GABRB1: variants seen among roughly 807,000 people sequenced by gnomAD.
The protein encoded by GABRB1 is gamma-aminobutyric acid type A receptor subunit beta1, also known as gamma-aminobutyric acid receptor subunit beta-1.
GABRB1 carries 17 observed loss-of-function variants against 51.6 expected under a neutral mutation model. The observed-to-expected ratio is 0.33, with a 90% CI of 0.23 to 0.49. The LOEUF (loss-of-function observed/expected upper bound fraction) is 0.49. GABRB1 is among the 20% of genes least tolerant of loss of function. The pLI, the probability that GABRB1 is intolerant of heterozygous loss-of-function variation, is 0.99. For missense variants in GABRB1, 410 were observed against 600.6 expected, an observed-to-expected ratio of 0.68 and a Z score of 3.32; for synonymous variants, 247 against 218.9, an observed-to-expected ratio of 1.13 and a Z score of -1.14.
In GABRB1 at chr4:46,997,383, C is replaced by T. The variant is rs1000832849; in HGVS notation, c.-20+3457C>T. On this transcript the variant is annotated intron_variant, in intron 1 of 3. Coordinates refer to the GABRB1 transcript ENST00000513567. The stretch of plus-strand genomic sequence containing the variant: ...GCAATGAAATATTATTAACTGTGGC[C>T]TCATGTTGTACATTAGATCTTATTA... Among the ~76,000 whole-genome samples the T allele has an allele frequency of 3.1e-4, 47 of 150,868 alleles. No homozygotes were observed. The East Asian group carries it at 3.3e-3, about 11-fold the overall frequency.
intron 5 of GABRB1, among the ~76,000 whole-genome samples, chr4:47,392,846 A>G (rs1728051211): frequency 6.6e-6 from 1 of 152,236 alleles, no homozygotes; most frequent in Non-Finnish European, 1.5e-5. Context: ...ATGCTGGAGC[A>G]AATAGTTCTT....
At chr4:47,224,723 A>C (rs1720889612) in intron 4 of GABRB1, among the ~76,000 whole-genome samples, 1 of 152,130 alleles carries the variant, frequency 6.6e-6, no homozygotes, top group Non-Finnish European at 1.5e-5. Context: ...AGAGGAGGCT[A>C]ACTAAAGTTT....
chr4:47,194,724 C>A (rs144356365), intron 4 of GABRB1, among the ~76,000 whole-genome samples: 12 of 152,210 alleles, frequency 7.9e-5, no homozygotes, highest in African/African-American at 2.6e-4. Flanking sequence ...AATGTCACTG[C>A]AGAACTCAAT....
At chr4:47,141,633 T>C (rs1380353582) in intron 3 of GABRB1, among the ~76,000 whole-genome samples, 1 of 152,012 alleles carries the variant, frequency 6.6e-6, no homozygotes. Context: ...ATGTCTTTTT[T>C]AATTTTTCTG....
intron 5 of GABRB1, among the ~76,000 whole-genome samples, chr4:47,381,377 G>A (rs1305698914): frequency 1.3e-5 from 2 of 152,108 alleles, no homozygotes; most frequent in Non-Finnish European, 2.9e-5. Context: ...AGACTTAACT[G>A]GTCTTTGTCT....
chr4:47,247,222 C>G (rs1019157356), intron 4 of GABRB1, among the ~76,000 whole-genome samples: 1 of 152,096 alleles, frequency 6.6e-6, no homozygotes, highest in Admixed American at 6.6e-5. Flanking sequence ...GATCCAGTTA[C>G]ATTCTCCTAC....
intron 4 of GABRB1, among the ~76,000 whole-genome samples, chr4:47,256,551 T>C (rs773018782): frequency 6.6e-6 from 1 of 152,174 alleles, no homozygotes; most frequent in Non-Finnish European, 1.5e-5. Flanking sequence ...GGATAATCTA[T>C]AAAGAAAAAA....
chr4:47,191,000 T>A (rs1358021415), intron 4 of GABRB1, among the ~76,000 whole-genome samples: 11 of 152,210 alleles, frequency 7.2e-5, no homozygotes, highest in African/African-American at 2.7e-4. Flanking sequence ...AATTGTCAAA[T>A]TTTTAAAAAT....
Position 47,054,838 on chromosome 4 carries a change from G to A in GABRB1, c.240+22354G>A, listed in dbSNP as rs147389630. Among the ~76,000 whole-genome samples the A allele has an allele frequency of 2.7e-3, 410 of 152,254 alleles. 1 individual carries two copies. Among genetic ancestry groups the A allele is most frequent in the African/African-American group, 9.4e-3 (389 of 41,554 alleles). On this transcript the variant is annotated intron_variant, in intron 3 of 8. Transcript: ENST00000295454. ...GACCTCAGGTAATCCATCCACCTCA[G>A]CCTCCCAAAGTGCTGGGATTACAGG...
chr4:47,037,235 A>C (rs1002688736), intron 3 of GABRB1, among the ~76,000 whole-genome samples: 1 of 152,200 alleles, frequency 6.6e-6, no homozygotes, highest in African/African-American at 2.4e-5. Flanking sequence ...CTGTTTTTGC[A>C]CCACTGAGGA....
Position 47,378,030 on chromosome 4 carries a change from C to G in GABRB1, c.545-25288C>G, listed in dbSNP as rs188189319. On this transcript the variant is annotated intron_variant, in intron 5 of 8. Coordinates refer to ENST00000295454, the MANE Select transcript of GABRB1 (RefSeq NM_000812.4). ...CAGGTGGAGCTGCCTGCCAGTCCGGCACCGTGCGCCCACGCTCCTCAGCCC... is the reference window on the plus strand; with the variant it reads ...CAGGTGGAGCTGCCTGCCAGTCCGGGACCGTGCGCCCACGCTCCTCAGCCC... Among the ~76,000 whole-genome samples the G allele has an allele frequency of 5.6e-3, 858 of 152,360 alleles. 3 individuals carry two copies. The highest frequency in any genetic ancestry group is 8.0e-3 in the Non-Finnish European group (543 of 68,038).
intron 4 of GABRB1, among the ~76,000 whole-genome samples, chr4:47,317,124 T>C (rs1023279231): frequency 5.3e-5 from 8 of 151,982 alleles, no homozygotes; most frequent in African/African-American, 1.9e-4. Flanking sequence ...GTCTTTGTTG[T>C]TGGGGACTGT....
intron 5 of GABRB1, among the ~76,000 whole-genome samples, chr4:47,332,846 T>C (rs1725535342): frequency 6.6e-6 from 1 of 151,958 alleles, no homozygotes; most frequent in South Asian, 2.1e-4. Flanking sequence ...GAAAATGACA[T>C]GATTTTCAAA....
chr4:47,104,405 T>C (rs13136849), intron 3 of GABRB1, among the ~76,000 whole-genome samples: 1 of 151,920 alleles, frequency 6.6e-6, no homozygotes, highest in Non-Finnish European at 1.5e-5. Flanking sequence ...TTATTTCTTC[T>C]TTAAGCTTAA....
intron 3 of GABRB1, among the ~76,000 whole-genome samples, chr4:47,132,829 T>C (rs137997069): frequency 4.6e-5 from 7 of 152,302 alleles, no homozygotes; most frequent in East Asian, 3.9e-4. Flanking sequence ...ATGAGACATA[T>C]CTAGAAATCC....
chr4:47,375,522 T>C (rs549189975), intron 5 of GABRB1, among the ~76,000 whole-genome samples: 5 of 152,354 alleles, frequency 3.3e-5, no homozygotes, highest in African/African-American at 9.6e-5. Context: ...CTGTTTACAC[T>C]AAATGTCTAT....
At chr4:47,200,635 C>A (rs1248782596) in intron 4 of GABRB1, among the ~76,000 whole-genome samples, 1 of 152,038 alleles carries the variant, frequency 6.6e-6, no homozygotes, top group Non-Finnish European at 1.5e-5. Flanking sequence ...AATAAAGGCA[C>A]CACCCTTGAA....
intron 5 of GABRB1, among the ~76,000 whole-genome samples, chr4:47,333,364 T>C (rs1214348583): frequency 1.3e-5 from 2 of 151,678 alleles, no homozygotes; most frequent in African/African-American, 4.8e-5. Flanking sequence ...CTCTGCCATG[T>C]AAAAGAAATA....
At chr4:47,086,307 A>G (rs1283263968) in intron 3 of GABRB1, among the ~76,000 whole-genome samples, 2 of 152,220 alleles carry the variant, frequency 1.3e-5, no homozygotes, top group African/African-American at 2.4e-5. Context: ...TCTTGTATTT[A>G]CAATGGAAAT....
Sources: gnomAD v4.1 joint callset for allele counts (sites outside exome capture counted in the v4.1 genomes callset) on GRCh38, gnomAD v4.1.1 for gene constraint, MANE v1.5 for transcripts, NCBI Gene and HGNC (gene_info 2026-07-23, HGNC 2026-07-21) for gene names.